The following DNAJA1 variants were observed in gnomAD, a reference collection of about 807,000 sequenced individuals.
DNAJA1 encodes the protein dnaJ homolog subfamily A member 1.
A neutral mutation model predicts 47.6 loss-of-function variants in DNAJA1; 26 were observed. The ratio of observed to expected loss-of-function variants is 0.55; its 90% CI spans 0.40 to 0.76. The LOEUF (loss-of-function observed/expected upper bound fraction) is 0.76. Ranked by LOEUF, DNAJA1 falls within the 30% of genes least tolerant of loss-of-function variation. The pLI, the probability that DNAJA1 is intolerant of heterozygous loss-of-function variation, is 0.00. For synonymous variants in DNAJA1, 165 were observed against 158.4 expected (o/e 1.04, Z -0.31); for missense variants, 315 against 485.0 (o/e 0.65, Z 3.29).
chr9:33,037,319 A>AC (rs1347271203), intron 8 of DNAJA1: 36 of 292,318 alleles, frequency 1.2e-4, no homozygotes, highest in South Asian at 5.2e-4. Flanking sequence ...TAAAAAAACA[A>AC]AAAAAAAAAA....
chr9:33,038,946 T>C lies in DNAJA1; in HGVS notation c.*43T>C. ...CTCACTGCTGGCATTTAATGTGCAGTAGTGAATGAGTGAAGGACTGTAATC... is the reference window on the plus strand; with the variant it reads ...CTCACTGCTGGCATTTAATGTGCAGCAGTGAATGAGTGAAGGACTGTAATC... On this transcript the variant is annotated 3_prime_UTR_variant, in exon 9 of 9. Coordinates refer to ENST00000330899, the MANE Select transcript of DNAJA1 (RefSeq NM_001539.4). 1 of 1,521,900 alleles carries C rather than the reference T, an allele frequency of 6.6e-7. No individual in the cohort carries two copies. The highest frequency in any genetic ancestry group is 1.2e-5 in the South Asian group (1 of 86,330). 94.3% of individuals were successfully genotyped at this position (1,521,900 alleles called of 1,614,324 possible). A position where few individuals can be genotyped will look rare whatever the true frequency, so the allele number is the denominator to read the frequency against.
intron 6 of DNAJA1, 134 bp downstream of exon 6, chr9:33,034,464 T>C: frequency 2.9e-6 from 2 of 680,998 alleles, no homozygotes; most frequent in East Asian, 2.8e-5. Flanking sequence ...TGTTAACCAT[T>C]GTTCAGATCA....
intron 5 of DNAJA1, among the ~76,000 whole-genome samples, chr9:33,031,148 G>T (rs887717540): frequency 6.6e-6 from 1 of 152,210 alleles, no homozygotes; most frequent in Non-Finnish European, 1.5e-5. Flanking sequence ...AGGCTGGAGT[G>T]TGCAATGGCA....
Position 33,037,320 on chromosome 9 carries a change from A to AAC in DNAJA1, c.975+206_975+207insCA. The stretch of plus-strand genomic sequence containing the variant: ...AAACCCTGTCTCTTTAAAAAAACAA[A>AAC]AAAAAAAAAAAATTAAAATTTCTGA... On this transcript the variant is annotated intron_variant, in intron 8 of 8. Transcript: ENST00000330899. 7 of 325,358 alleles carry AAC rather than the reference A, an allele frequency of 2.2e-5. No individual in the cohort carries two copies. The South Asian group carries it at 3.0e-4, about 14-fold the overall frequency. The allele number at this position is 325,358 out of a possible 1,614,324, so 20.2% of individuals were successfully genotyped here. A position where few individuals can be genotyped will look rare whatever the true frequency, so the allele number is the denominator to read the frequency against.
Position 33,036,677 on chromosome 9 carries a change from A to T in DNAJA1, c.862A>T (p.Thr288Ser), listed in dbSNP as rs1398808355. 6.2e-7 allele frequency: 1 copy of T among 1,612,500 alleles called. No individual in the cohort carries two copies. Among genetic ancestry groups the T allele is most frequent in the Non-Finnish European group, 8.5e-7 (1 of 1,179,122 alleles). Residue 288 changes from threonine (T) to serine (S), a missense_variant, in exon 7 of 9, where the codon ACC (threonine) becomes TCC (serine). Thr to Ser is a moderately conservative substitution (Grantham distance 58, BLOSUM62 1). This residue lies in a region of DNAJA1 where 162 missense variants were observed against 185.4 expected (regional missense o/e 0.87). Coordinates refer to ENST00000330899, the MANE Select transcript of DNAJA1 (RefSeq NM_001539.4). ...TCTTGACAACCGAACCATCGTCATC[A>T]CCTCTCATCCAGGTATGGGAACTAG... ...STLDNRTIVI[T>S]SHPGQIVKHG...
At chr9:33,029,614 G>T (rs1441386143) in intron 3 of DNAJA1, among the ~76,000 whole-genome samples, 3 of 152,174 alleles carry the variant, frequency 2.0e-5, no homozygotes, top group Admixed American at 2.0e-4. Context: ...TGAAGGTAAT[G>T]CTTTTGCTTA....
chr9:33,026,188 G>C (rs575379916), intron 1 of DNAJA1, among the ~76,000 whole-genome samples: 2 of 152,390 alleles, frequency 1.3e-5, no homozygotes, highest in East Asian at 3.9e-4. Flanking sequence ...CAAACGGGAA[G>C]AATCCAGATA....
intron 3 of DNAJA1, among the ~76,000 whole-genome samples, chr9:33,029,263 A>G (rs891122736): frequency 9.9e-5 from 15 of 152,238 alleles, no homozygotes; most frequent in African/African-American, 3.1e-4. Flanking sequence ...TTATCACTGC[A>G]GAAAGTTCTG....
At chr9:33,037,206 T>A in intron 8 of DNAJA1, 91 bp downstream of exon 8, 4 of 1,079,614 alleles carry the variant, frequency 3.7e-6, no homozygotes, top group Non-Finnish European at 5.4e-6. Context: ...TGCAAGTAGC[T>A]CATGCCTGTA....
At position 33,039,035 on chromosome 9, in the gene DNAJA1, TAAATG is replaced by T. The variant is rs1839078822; in HGVS notation, c.*135_*139del. 4.6e-6 allele frequency: 4 copies of T among 878,550 alleles called. No homozygotes were observed. Among genetic ancestry groups the T allele is most frequent in the East Asian group, 5.3e-5 (2 of 37,564 alleles). The allele number at this position is 878,550 out of a possible 1,614,324, so 54.4% of individuals were successfully genotyped here. ...AAACTATAGTAGTGTTTTAAAAAGT[TAAATG>T]AAGAATAAACGCAAATATAAAAGCT... On this transcript the variant is annotated 3_prime_UTR_variant, in exon 9 of 9. Transcript: ENST00000330899.
chr9:33,032,161 C>T (rs950931614), intron 5 of DNAJA1, among the ~76,000 whole-genome samples: 1 of 152,190 alleles, frequency 6.6e-6, no homozygotes, highest in Non-Finnish European at 1.5e-5. Context: ...TATTAATATA[C>T]AAATCTACAT....
At chr9:33,026,343 C>T (rs41274005) in intron 1 of DNAJA1, 132 bp from the exon 2 acceptor site, 16,576 of 878,406 alleles carry the variant, frequency 0.019, 228 homozygotes, top group Non-Finnish European at 0.022. Context: ...GAATTGTTAC[C>T]TTTTTGGTGA....
At chr9:33,025,785 C>G (rs1382741471) in intron 1 of DNAJA1, among the ~76,000 whole-genome samples, 1 of 152,100 alleles carries the variant, frequency 6.6e-6, no homozygotes, top group East Asian at 1.9e-4. Flanking sequence ...GCGGAGACTG[C>G]GGCTTTTGGT....
chr9:33,027,062 C>A, intron 3 of DNAJA1, 72 bp downstream of exon 3: 2 of 1,563,550 alleles, frequency 1.3e-6, no homozygotes, highest in Non-Finnish European at 1.7e-6. Context: ...TGAGAAATCA[C>A]CCATTTTAAA....
chr9:33,036,536 G>T, intron 6 of DNAJA1, 38 bp from the exon 7 acceptor site: 1 of 1,426,782 alleles, frequency 7.0e-7, no homozygotes. Context: ...ACTGATTCGT[G>T]ATTTGAAAAA....
intron 8 of DNAJA1, among the ~76,000 whole-genome samples, chr9:33,038,186 G>A (rs1021204595): frequency 6.6e-6 from 1 of 151,932 alleles, no homozygotes; most frequent in Non-Finnish European, 1.5e-5. Context: ...TAGAGATGGG[G>A]TTTCACCATA....
At chr9:33,034,022 C>G (rs1004545170) in intron 5 of DNAJA1, among the ~76,000 whole-genome samples, 194 bp from the exon 6 acceptor site, 2 of 152,166 alleles carry the variant, frequency 1.3e-5, no homozygotes, top group Non-Finnish European at 2.9e-5. Context: ...GAAGGCTAGT[C>G]TCTTTGCCTC....
intron 5 of DNAJA1, among the ~76,000 whole-genome samples, chr9:33,031,171 A>C (rs10971348): frequency 0.071 from 10,735 of 152,264 alleles, 515 homozygotes; most frequent in Non-Finnish European, 0.11. Flanking sequence ...ATCTCAGCTC[A>C]TTGCAACCTC....
At chr9:33,036,836 A>G in intron 7 of DNAJA1, 147 bp downstream of exon 7, 1 of 805,688 alleles carries the variant, frequency 1.2e-6, no homozygotes, top group Non-Finnish European at 1.9e-6. Context: ...AGATGAAGTT[A>G]TAAGGTCTTG....
Sources: gnomAD v4.1 joint callset for allele counts (sites outside exome capture counted in the v4.1 genomes callset) on GRCh38, gnomAD v4.1.1 for gene constraint, gnomAD v4.1.1 regional missense constraint, MANE v1.5 for transcripts, NCBI Gene and HGNC (gene_info 2026-07-23, HGNC 2026-07-21) for gene names.